Variants in PHF14 observed in about 807,000 individuals in gnomAD.
The protein encoded by PHF14 is PHD finger protein 14.
Under a neutral mutation model 117.9 loss-of-function variants are expected in PHF14, and 55 were observed. That is an observed-to-expected ratio of 0.47 (90% confidence interval 0.38 to 0.58). The LOEUF is 0.58. PHF14 is among the 20% of genes least tolerant of loss of function. The pLI is 0.00. For synonymous variants in PHF14, 409 were observed against 368.6 expected, an observed-to-expected ratio of 1.11 and a Z score of -1.26; for missense variants, 978 against 1,122.2, an observed-to-expected ratio of 0.87 and a Z score of 1.84.
Position 11,089,415 on chromosome 7 carries a change from G to A in PHF14, c.2655-21935G>A, listed in dbSNP as rs77444407. On this transcript the variant is annotated intron_variant, in intron 16 of 17. Transcript: ENST00000634607. ...TCTCTAAAAGGTGAAATTCAGCTGG[G>A]CATGGTGGCTCATACCTGTAATCCC... Among the ~76,000 whole-genome samples, 7 of 152,272 alleles carry A rather than the reference G, an allele frequency of 4.6e-5. No individual in the cohort carries two copies. The East Asian group carries it at 1.4e-3, about 29-fold the overall frequency.
Position 11,130,743 on chromosome 7 carries a change from G to A in PHF14, c.2772+19276G>A, listed in dbSNP as rs1450954173. 6.6e-6 allele frequency among the ~76,000 whole-genome samples: 1 copy of A among 151,894 alleles called. No homozygotes were observed. Among genetic ancestry groups the A allele is most frequent in the African/African-American group, 2.4e-5 (1 of 41,388 alleles). ...GTGGTACATTCTGTGGGTTTTGACA[G>A]TTGTAATAATGACACATGTCCACCA... is the stretch of plus-strand genomic sequence containing the variant. On this transcript the variant is annotated intron_variant, in intron 17 of 17. Coordinates refer to ENST00000634607, the MANE Select transcript of PHF14 (RefSeq NM_001007157.2). The surrounding 1 kb of genome is among the most constrained non-coding windows in gnomAD (Gnocchi z 4.2).
intron 12 of PHF14, 148 bp from the exon 13 acceptor site, chr7:11,042,535 G>A: frequency 1.8e-6 from 1 of 541,914 alleles, no homozygotes; most frequent in Non-Finnish European, 3.2e-6. Flanking sequence ...GTAAAAAGAT[G>A]TGTTAATGAA....
intron 7 of PHF14, 115 bp from the exon 8 acceptor site, chr7:11,035,525 A>T: frequency 3.7e-6 from 2 of 544,166 alleles, no homozygotes; most frequent in Non-Finnish European, 6.0e-6. Context: ...AATTTATTAG[A>T]TGTAACTAGC....
intron 16 of PHF14, among the ~76,000 whole-genome samples, chr7:11,068,919 CT>C (rs1159013068): frequency 1.3e-5 from 2 of 152,024 alleles, no homozygotes; most frequent in Non-Finnish European, 2.9e-5. Flanking sequence ...GTAGTTTCGA[CT>C]TTAGGAATCT....
chr7:11,163,291 T>A (rs990565001), intron 17 of PHF14, among the ~76,000 whole-genome samples: 1 of 152,190 alleles, frequency 6.6e-6, no homozygotes, highest in Non-Finnish European at 1.5e-5. Flanking sequence ...TACAAAAAAA[T>A]TCTTATGCTT....
chr7:10,990,279 A>G (rs761388221), intron 3 of PHF14, among the ~76,000 whole-genome samples: 14 of 152,208 alleles, frequency 9.2e-5, no homozygotes, highest in Non-Finnish European at 1.9e-4. Flanking sequence ...TAGGATTATA[A>G]GCTCCTAAAG....
intron 17 of PHF14, 130 bp downstream of exon 17, chr7:11,111,597 G>T (rs116509038): frequency 1.1e-4 from 53 of 487,270 alleles, no homozygotes; most frequent in Non-Finnish European, 1.4e-4. Flanking sequence ...TACACCTTAA[G>T]AATATATTGC....
At chr7:11,126,931 T>TA (rs1392406736) in intron 17 of PHF14, among the ~76,000 whole-genome samples, 1 of 152,042 alleles carries the variant, frequency 6.6e-6, no homozygotes, top group Non-Finnish European at 1.5e-5. Context: ...AGACCACTCT[T>TA]ACGTTTTTAT....
chr7:11,116,374 TC>T (rs1180382204), intron 17 of PHF14, among the ~76,000 whole-genome samples: 2 of 152,038 alleles, frequency 1.3e-5, no homozygotes, highest in African/African-American at 4.8e-5. Context: ...ATATTGCTTT[TC>T]CCGGTTCTTC....
chr7:11,075,233 C>G (rs150587931), intron 16 of PHF14, among the ~76,000 whole-genome samples: 1 of 152,224 alleles, frequency 6.6e-6, no homozygotes, highest in East Asian at 1.9e-4. Context: ...GCCACTGCAC[C>G]TGGCCTTTCA....
At position 11,040,712 on chromosome 7, in the gene PHF14, G is replaced by A; in HGVS notation, c.2117G>A (p.Arg706Lys). The change falls in exon 12 of 18, where the codon AGA (arginine) becomes AAA (lysine). Residue 706 changes from arginine (R) to lysine (K), a missense_variant. Coordinates refer to ENST00000634607, the MANE Select transcript of PHF14 (RefSeq NM_001007157.2). ...GCAATTTTGCGAGCACCCAAGGAGA[G>A]AAAACCAAGTAAAAAAGAAGGAGGC... ...IPAILRAPKE[R>K]KPSKKEGGTQ... 6.4e-7 allele frequency: 1 copy of A among 1,570,552 alleles called. No homozygotes were observed. Among genetic ancestry groups the A allele is most frequent in the Non-Finnish European group, 8.6e-7 (1 of 1,156,792 alleles).
chr7:11,142,780 T>A (rs990190063), intron 17 of PHF14, among the ~76,000 whole-genome samples: 58 of 152,236 alleles, frequency 3.8e-4, no homozygotes, highest in African/African-American at 1.3e-3. Context: ...AATGAAATAG[T>A]TCCTGTGTTA....
At chr7:11,062,128 C>T in intron 16 of PHF14, 43 bp downstream of exon 16, 1 of 1,514,154 alleles carries the variant, frequency 6.6e-7, no homozygotes, top group Non-Finnish European at 8.9e-7. Context: ...GATGAAAGTT[C>T]TATATTTATT....
At chr7:11,103,398 A>G (rs570103146) in intron 16 of PHF14, 159 of 979,346 alleles carry the variant, frequency 1.6e-4, no homozygotes, top group Non-Finnish European at 1.6e-4. Flanking sequence ...AAGATTATTG[A>G]CTATACAACC....
At chr7:11,083,073 G>T (rs1050625913) in intron 16 of PHF14, among the ~76,000 whole-genome samples, 1 of 152,054 alleles carries the variant, frequency 6.6e-6, no homozygotes. Flanking sequence ...CCTTATCTAA[G>T]AAAAAGTTCA....
intron 16 of PHF14, among the ~76,000 whole-genome samples, chr7:11,064,433 T>C (rs1785352204): frequency 6.6e-6 from 1 of 151,970 alleles, no homozygotes; most frequent in African/African-American, 2.4e-5. Flanking sequence ...ATTTCAGCGC[T>C]TACTCAGACA....
At chr7:11,146,997 C>G (rs1788565923) in intron 17 of PHF14, among the ~76,000 whole-genome samples, 2 of 152,060 alleles carry the variant, frequency 1.3e-5, no homozygotes, top group African/African-American at 4.8e-5. Context: ...CAGGTGTGTG[C>G]CACGACACCT....
At chr7:10,996,817 A>G (rs550505516) in intron 4 of PHF14, among the ~76,000 whole-genome samples, 195 of 152,292 alleles carry the variant, frequency 1.3e-3, no homozygotes, top group African/African-American at 4.5e-3. Context: ...TGAGAACCAG[A>G]GCCCACAAGA....
chr7:11,160,974 A>G (rs1266402692), intron 17 of PHF14, among the ~76,000 whole-genome samples: 1 of 152,184 alleles, frequency 6.6e-6, no homozygotes. Context: ...GGACATAGTC[A>G]TAAATTCTTT....
Sources: allele counts gnomAD v4.1 joint callset (sites outside exome capture counted in the v4.1 genomes callset), GRCh38; gene constraint gnomAD v4.1.1; non-coding constraint Gnocchi (gnomAD v3.1); transcripts MANE v1.5; gene names NCBI Gene and HGNC (gene_info 2026-07-23, HGNC 2026-07-21).